Variants in C8orf34 observed in about 807,000 individuals in gnomAD.
The protein encoded by C8orf34 is uncharacterized protein C8orf34.
Under a neutral mutation model 68.3 loss-of-function variants are expected in C8orf34, and 65 were observed. The ratio of observed to expected loss-of-function variants is 0.95; its 90% CI spans 0.78 to 1.17. The LOEUF is 1.17. Among genes scored for constraint, C8orf34 ranks in the 50% most tolerant of loss-of-function variants. The probability of loss-of-function intolerance (pLI) is 0.00; values close to 1 mark genes in which losing one functional copy is unlikely to be tolerated. For missense variants in C8orf34, 664 were observed against 655.4 expected (o/e 1.01, Z -0.14); for synonymous variants, 244 against 241.2 (o/e 1.01, Z -0.11).
intron 5 of C8orf34, among the ~76,000 whole-genome samples, chr8:68,490,420 C>A (rs186482629): frequency 1.3e-5 from 2 of 152,020 alleles, no homozygotes; most frequent in African/African-American, 2.4e-5. Flanking sequence ...ACAGATATAA[C>A]CCTCACAGGA....
chr8:68,738,643 A>G (rs73275944), intron 10 of C8orf34, among the ~76,000 whole-genome samples: 15,091 of 152,192 alleles, frequency 0.099, 852 homozygotes, highest in East Asian at 0.22. Flanking sequence ...ACCATCAGAT[A>G]ATAATATAAG....
intron 9 of C8orf34, among the ~76,000 whole-genome samples, chr8:68,719,263 T>A (rs1474644654): frequency 6.6e-6 from 1 of 152,050 alleles, no homozygotes; most frequent in East Asian, 1.9e-4. Context: ...AAAACGGTAG[T>A]TATGTAAACT....
At chr8:68,495,650 C>A (rs999232390) in intron 5 of C8orf34, among the ~76,000 whole-genome samples, 3 of 152,184 alleles carry the variant, frequency 2.0e-5, no homozygotes, top group Admixed American at 6.5e-5. Context: ...CTATTATTCA[C>A]CAGTTTAACA....
At chr8:68,744,337 C>A (rs1804139340) in intron 10 of C8orf34, among the ~76,000 whole-genome samples, 1 of 152,206 alleles carries the variant, frequency 6.6e-6, no homozygotes, top group South Asian at 2.1e-4. Context: ...CTCTCCTCCT[C>A]CAAAGGAATG....
chr8:68,422,649 C>A (rs1018292433), intron 1 of C8orf34, among the ~76,000 whole-genome samples: 5 of 152,180 alleles, frequency 3.3e-5, no homozygotes, highest in Middle Eastern at 6.3e-3. Flanking sequence ...TGGATGGTAG[C>A]CCTCTTCTCA....
At chr8:68,424,920 T>TAA (rs1430651723) in intron 1 of C8orf34, among the ~76,000 whole-genome samples, 20 of 151,948 alleles carry the variant, frequency 1.3e-4, no homozygotes, top group Non-Finnish European at 2.6e-4. Flanking sequence ...ATAATAATAA[T>TAA]TATAATCATA....
intron 7 of C8orf34, among the ~76,000 whole-genome samples, chr8:68,630,601 T>G (rs1818661901): frequency 6.6e-6 from 1 of 152,120 alleles, no homozygotes; most frequent in Admixed American, 6.6e-5. Context: ...GGTAATATAT[T>G]TATTAATTCA....
intron 12 of C8orf34, among the ~76,000 whole-genome samples, chr8:68,796,810 A>G (rs1357596610): frequency 7.1e-6 from 1 of 141,060 alleles, no homozygotes; most frequent in Non-Finnish European, 1.5e-5. Flanking sequence ...TGAAAAATAT[A>G]TTTGAGTTCT....
intron 1 of C8orf34, among the ~76,000 whole-genome samples, chr8:68,394,336 GTGTT>G (rs1461703638): frequency 6.7e-6 from 1 of 149,506 alleles, no homozygotes; most frequent in Non-Finnish European, 1.5e-5. Flanking sequence ...AGAATATGCG[GTGTT>G]TGTTTTTTTG....
chr8:68,458,037 C>T (rs746662318), intron 3 of C8orf34, among the ~76,000 whole-genome samples: 1 of 151,892 alleles, frequency 6.6e-6, no homozygotes, highest in Non-Finnish European at 1.5e-5. Context: ...TGAAATCACC[C>T]AGCATGGGTG....
intron 9 of C8orf34, among the ~76,000 whole-genome samples, chr8:68,717,769 TA>T (rs561630197): frequency 6.6e-6 from 1 of 152,066 alleles, no homozygotes; most frequent in South Asian, 2.1e-4. Flanking sequence ...TAATAAATAT[TA>T]AAAAAACTGC....
chr8:68,629,410 C>T (rs1280060074), intron 7 of C8orf34, among the ~76,000 whole-genome samples: 6 of 152,272 alleles, frequency 3.9e-5, no homozygotes, highest in African/African-American at 1.4e-4. Context: ...TCTGAAATTA[C>T]GTTTCAATAC....
intron 4 of C8orf34, among the ~76,000 whole-genome samples, chr8:68,476,586 CT>C (rs1812627134): frequency 1.3e-5 from 2 of 152,228 alleles, no homozygotes; most frequent in South Asian, 2.1e-4. Flanking sequence ...TAAAAGTGCT[CT>C]TTTTGAAGAG....
At chr8:68,805,097 T>C (rs1225468471) in intron 12 of C8orf34, among the ~76,000 whole-genome samples, 1 of 152,238 alleles carries the variant, frequency 6.6e-6, no homozygotes, top group East Asian at 1.9e-4. Flanking sequence ...GGCTTGCATT[T>C]TTTTTCTGAT....
At chr8:68,518,587 T>C (rs1273155393) in intron 5 of C8orf34, among the ~76,000 whole-genome samples, 1 of 152,234 alleles carries the variant, frequency 6.6e-6, no homozygotes, top group East Asian at 1.9e-4. Context: ...CATTCTGTTG[T>C]TGGCTTTTGA....
chr8:68,732,434 T>A (rs1414817055), intron 10 of C8orf34, among the ~76,000 whole-genome samples: 1 of 152,084 alleles, frequency 6.6e-6, no homozygotes, highest in Non-Finnish European at 1.5e-5. Flanking sequence ...TTTTTAATGA[T>A]TTTTTTGTGT....
rs541388484 is a variant in C8orf34, at chr8:68,550,504, A to G, written c.1105+17355A>G. 2.6e-5 allele frequency among the ~76,000 whole-genome samples: 4 copies of G among 151,996 alleles called. No individual in the cohort carries two copies. In the South Asian group the frequency reaches 8.3e-4, roughly 31 times the overall value. On this transcript the variant is annotated intron_variant, in intron 7 of 13. Transcript: ENST00000518698. ...ATTTTGAACAGCTATCTGTTAGATC[A>G]ATTAAGATTAAGAAAAACAAAAGTT... is the stretch of plus-strand genomic sequence containing the variant.
intron 8 of C8orf34, among the ~76,000 whole-genome samples, chr8:68,667,665 T>C (rs1819881499): frequency 6.6e-6 from 1 of 152,204 alleles, no homozygotes; most frequent in African/African-American, 2.4e-5. Context: ...TAAGATTCTG[T>C]ATTCTAGATC....
intron 4 of C8orf34, among the ~76,000 whole-genome samples, chr8:68,481,504 G>C (rs1455099324): frequency 1.1e-4 from 17 of 152,206 alleles, no homozygotes; most frequent in Admixed American, 1.1e-3. Context: ...CTGTGTGCCT[G>C]GAAAAGCCAC....
Sources: gnomAD v4.1 joint callset for allele counts (sites outside exome capture counted in the v4.1 genomes callset) on GRCh38, gnomAD v4.1.1 for gene constraint, MANE v1.5 for transcripts, NCBI Gene and HGNC (gene_info 2026-07-23, HGNC 2026-07-21) for gene names.